Variants in CEP126 observed in about 807,000 individuals in gnomAD.
The protein encoded by CEP126 is centrosomal protein 126, also known as centrosomal protein of 126 kDa.
Under a neutral mutation model 107.8 loss-of-function variants are expected in CEP126, and 74 were observed. The observed-to-expected ratio is 0.69, with a 90% confidence interval of 0.57 to 0.83. The LOEUF is 0.83. Ranked by LOEUF, CEP126 falls within the 40% of genes least tolerant of loss-of-function variation. CEP126 has a pLI of 0.00. For synonymous variants in CEP126, 449 were observed against 446.0 expected, an observed-to-expected ratio of 1.01 and a Z score of -0.08; for missense variants, 1,237 against 1,281.9, an observed-to-expected ratio of 0.96 and a Z score of 0.53.
intron 5 of CEP126, among the ~76,000 whole-genome samples, chr11:101,961,534 A>G (rs1463986227): frequency 4.6e-5 from 7 of 152,070 alleles, no homozygotes; most frequent in Admixed American, 3.9e-4. Flanking sequence ...CAAAGCAAGC[A>G]TACTATACTA....
At chr11:101,952,933 C>G (rs1940831523) in intron 4 of CEP126, among the ~76,000 whole-genome samples, 1 of 152,174 alleles carries the variant, frequency 6.6e-6, no homozygotes, top group African/African-American at 2.4e-5. Flanking sequence ...TGCATGCCAA[C>G]TAGGTAACAT....
intron 8 of CEP126, among the ~76,000 whole-genome samples, chr11:101,984,104 G>C (rs998840765): frequency 6.6e-6 from 1 of 152,196 alleles, no homozygotes; most frequent in Non-Finnish European, 1.5e-5. Context: ...TAATTCAGCT[G>C]TGTGACCAGA....
chr11:101,922,634 T>A lies in CEP126; in HGVS notation c.129-7T>A. 1 of 1,598,464 alleles carries A rather than the reference T, an allele frequency of 6.3e-7. No homozygotes were observed. The highest frequency in any genetic ancestry group is 8.6e-7 in the Non-Finnish European group (1 of 1,166,604). ...GACCATTGTTCTTAACTTAATGCTA[T>A]CATTAGAGATATGAAAATCCATCTG... On this transcript the variant is annotated splice_polypyrimidine_tract_variant and splice_region_variant and intron_variant, in intron 1 of 10. Coordinates refer to ENST00000263468, the MANE Select transcript of CEP126 (RefSeq NM_020802.4).
chr11:101,950,942 A>G (rs115418256), intron 4 of CEP126, among the ~76,000 whole-genome samples: 166 of 152,288 alleles, frequency 1.1e-3, no homozygotes, highest in African/African-American at 3.9e-3. Flanking sequence ...AATGGTGCAA[A>G]TGTTGGAGAA....
At chr11:101,931,900 C>T (rs771683909) in intron 2 of CEP126, among the ~76,000 whole-genome samples, 13 of 152,206 alleles carry the variant, frequency 8.5e-5, no homozygotes, top group African/African-American at 2.7e-4. Context: ...GAAACAAGAA[C>T]AAATAGTTCG....
intron 4 of CEP126, chr11:101,956,251 T>G (rs1940887574): frequency 2.2e-6 from 1 of 456,294 alleles, no homozygotes; most frequent in Non-Finnish European, 4.4e-6. Flanking sequence ...TTGTTCGTCG[T>G]TCCCTTCCAG....
chr11:101,925,513 G>A, intron 2 of CEP126, among the ~76,000 whole-genome samples: 1 of 150,696 alleles, frequency 6.6e-6, no homozygotes, highest in Non-Finnish European at 1.5e-5. Flanking sequence ...ACTCACACCT[G>A]TAATCCTAGC....
chr11:101,944,345 A>G lies in CEP126; in HGVS notation c.329A>G (p.Lys110Arg). 6.2e-7 allele frequency: 1 copy of G among 1,611,936 alleles called. No homozygotes were observed. The highest frequency in any genetic ancestry group is 1.1e-5 in the South Asian group (1 of 90,462). The change falls in exon 3 of 11, where the codon AAG becomes AGG. Residue 110 changes from lysine to arginine, a missense_variant. By Grantham distance (26) the Lys-to-Arg change is conservative (BLOSUM62 2). This residue lies in a region of CEP126 where 1,134 missense variants were observed against 1,150.5 expected (regional missense o/e 0.99). Coordinates refer to ENST00000263468, the MANE Select transcript of CEP126 (RefSeq NM_020802.4). Reference sequence around the variant, plus strand: ...CAAATACTTCAACAAAGAAAACAGAAGTTTGAAGAAGTTACTGAAAAATTC... The same window carrying G: ...CAAATACTTCAACAAAGAAAACAGAGGTTTGAAGAAGTTACTGAAAAATTC... ...REQILQQRKQKFEEVTEKFQR... is the reference protein window; with the variant it reads ...REQILQQRKQRFEEVTEKFQR...
At chr11:101,981,786 G>T in intron 7 of CEP126, 103 bp from the exon 8 acceptor site, 1 of 624,570 alleles carries the variant, frequency 1.6e-6, no homozygotes, top group Admixed American at 3.4e-5. Flanking sequence ...AACAATTGTA[G>T]CTAAAAATAT....
chr11:101,928,501 T>C (rs1309153408), intron 2 of CEP126, among the ~76,000 whole-genome samples: 1 of 152,238 alleles, frequency 6.6e-6, no homozygotes, highest in African/African-American at 2.4e-5. Context: ...TTTTATGTTT[T>C]ACAGTTAAGT....
rs1289203918 is a variant in CEP126, at chr11:102,000,847, G to C, written c.*3204G>C. On this transcript the variant is annotated 3_prime_UTR_variant, in exon 11 of 11. Coordinates refer to ENST00000263468, the MANE Select transcript of CEP126 (RefSeq NM_020802.4). ...TCATTTTAAAATTGGCATCAGGAAG[G>C]ATTACCATGAACTTATTTTAAATCC... The C allele has an allele frequency of 2.0e-5, 3 of 152,160 alleles. No homozygotes were observed. Among genetic ancestry groups the C allele is most frequent in the Admixed American group, 2.0e-4 (3 of 15,274 alleles). The allele number at this position is 152,160 out of a possible 1,614,324, so 9.4% of individuals were successfully genotyped here. A position where few individuals can be genotyped will look rare whatever the true frequency, so the allele number is the denominator to read the frequency against.
At chr11:101,971,969 C>T (rs1425552817) in intron 6 of CEP126, among the ~76,000 whole-genome samples, 1 of 151,784 alleles carries the variant, frequency 6.6e-6, no homozygotes, top group Non-Finnish European at 1.5e-5. Flanking sequence ...ATTAGCTGGG[C>T]GTGGTGGTGG....
At position 101,978,993 on chromosome 11, in the gene CEP126, G is replaced by T. The variant is rs184992335; in HGVS notation, c.2958+534G>T. Among the ~76,000 whole-genome samples the T allele has an allele frequency of 3.3e-5, 5 of 152,202 alleles. No individual in the cohort carries two copies. In the East Asian group the frequency reaches 9.7e-4, roughly 29 times the overall value. On this transcript the variant is annotated intron_variant, in intron 7 of 10. Transcript: ENST00000263468. Reference sequence around the variant, plus strand: ...AAAAATACAAAAAAATTAGCCAGGGGTGGTGGCAGGTGCCTGTAATCCCAG... The same window carrying T: ...AAAAATACAAAAAAATTAGCCAGGGTTGGTGGCAGGTGCCTGTAATCCCAG...
At chr11:101,974,538 A>AT (rs950722304) in intron 6 of CEP126, among the ~76,000 whole-genome samples, 3 of 152,050 alleles carry the variant, frequency 2.0e-5, no homozygotes, top group African/African-American at 7.2e-5. Context: ...GGCTCCTAAG[A>AT]TTTTTTCCAA....
Position 101,963,233 on chromosome 11 carries a change from A to G in CEP126, c.2198A>G (p.Glu733Gly), listed in dbSNP as rs914262108. ...GCCTGGCCAGCCTCAAAAAAAGAAG[A>G]AAGTAAAATCCCTGTACATGATGAT... ...KHAWPASKKE[E>G]SKIPVHDDSK... The change falls in exon 6 of 11, where the codon GAA (glutamate) becomes GGA (glycine). Residue 733 changes from glutamate to glycine, a missense_variant. Glu to Gly is a moderately conservative substitution (Grantham distance 98). Around this residue, in one of 3 missense-constraint regions of CEP126, gnomAD observed 1,134 missense variants for 1,150.5 expected, o/e 0.99. Coordinates refer to ENST00000263468, the MANE Select transcript of CEP126 (RefSeq NM_020802.4). 4 of 1,613,944 alleles carry G rather than the reference A, an allele frequency of 2.5e-6. No individual in the cohort carries two copies. The African/African-American group carries it at 5.3e-5, about 22-fold the overall frequency.
chr11:101,981,229 C>T (rs1214482220), intron 7 of CEP126, among the ~76,000 whole-genome samples: 3 of 152,182 alleles, frequency 2.0e-5, no homozygotes, highest in African/African-American at 7.2e-5. Context: ...TTATGATTCA[C>T]CCTTACAATG....
Position 101,990,034 on chromosome 11 carries a change from G to C in CEP126, c.3245-2744G>C, listed in dbSNP as rs143804743. On this transcript the variant is annotated intron_variant, in intron 9 of 10. Coordinates refer to ENST00000263468, the MANE Select transcript of CEP126 (RefSeq NM_020802.4). The stretch of plus-strand genomic sequence containing the variant: ...CACTTTCTCACCCATGGGAGAATAT[G>C]AGAGAGGGAAATGTCAGGTTCCATA... Among the ~76,000 whole-genome samples, 154 of 149,174 alleles carry C rather than the reference G, an allele frequency of 1.0e-3. 2 individuals are homozygous for C. In the East Asian group the frequency reaches 0.023, roughly 23 times the overall value.
At chr11:101,982,006 A>G (rs758056553) in intron 8 of CEP126, 42 bp downstream of exon 8, 5 of 1,136,108 alleles carry the variant, frequency 4.4e-6, no homozygotes, top group South Asian at 1.4e-5. Context: ...CTTTGTTCCC[A>G]GTGATTTTTT....
chr11:101,971,441 A>G lies in CEP126; in HGVS notation c.2846-6906A>G, dbSNP rs368545859. Among the ~76,000 whole-genome samples, 4 of 152,310 alleles carry G rather than the reference A, an allele frequency of 2.6e-5. No individual in the cohort carries two copies. The South Asian group carries it at 8.3e-4, about 32-fold the overall frequency. On this transcript the variant is annotated intron_variant, in intron 6 of 10. Transcript: ENST00000263468. ...GCTTCAGAATCATCCTGGCTAACTG[A>G]ACTGGCAAATCAAAACCAGTTAAGT...
Sources: gnomAD v4.1 joint callset for allele counts (sites outside exome capture counted in the v4.1 genomes callset) on GRCh38, gnomAD v4.1.1 for gene constraint, gnomAD v4.1.1 regional missense constraint, MANE v1.5 for transcripts, NCBI Gene and HGNC (gene_info 2026-07-23, HGNC 2026-07-21) for gene names.